Variants in ADAMTS16 observed in about 807,000 individuals in gnomAD.
The protein encoded by ADAMTS16 is A disintegrin and metalloproteinase with thrombospondin motifs 16.
ADAMTS16 carries 94 observed loss-of-function variants against 145.8 expected under a neutral mutation model. The observed-to-expected ratio is 0.64, with a 90% CI of 0.55 to 0.77. The LOEUF (loss-of-function observed/expected upper bound fraction) is 0.77, where lower values mean the gene tolerates loss of function less well. Ranked by LOEUF, ADAMTS16 falls within the 30% of genes least tolerant of loss-of-function variation. ADAMTS16 has a pLI of 0.00. For synonymous variants in ADAMTS16, 659 were observed against 604.3 expected (o/e 1.09, Z -1.33); for missense variants, 1,585 against 1,591.5 (o/e 1.00, Z 0.07).
chr5:5,294,984 A>G (rs374912064), intron 18 of ADAMTS16, among the ~76,000 whole-genome samples: 1 of 152,356 alleles, frequency 6.6e-6, no homozygotes, highest in South Asian at 2.1e-4. Context: ...TGATGAAAAA[A>G]GTAGATAGAG....
chr5:5,226,307 C>T (rs1275871121), intron 11 of ADAMTS16, among the ~76,000 whole-genome samples: 1 of 152,130 alleles, frequency 6.6e-6, no homozygotes, highest in East Asian at 1.9e-4. Flanking sequence ...AAAGGAGAAG[C>T]AAAGTCATAC....
At chr5:5,244,803 A>G (rs1737392644) in intron 17 of ADAMTS16, among the ~76,000 whole-genome samples, 1 of 152,188 alleles carries the variant, frequency 6.6e-6, no homozygotes, top group Non-Finnish European at 1.5e-5. Flanking sequence ...TGAACATAAG[A>G]TTGAAATATC....
At chr5:5,288,282 G>A (rs1044263687) in intron 18 of ADAMTS16, among the ~76,000 whole-genome samples, 2 of 152,144 alleles carry the variant, frequency 1.3e-5, no homozygotes, top group Non-Finnish European at 2.9e-5. Flanking sequence ...ACCATCTCCC[G>A]TGGGAAGGTC....
In ADAMTS16 at chr5:5,314,410, G is replaced by A. The variant is rs549336814; in HGVS notation, c.3412-3724G>A. 7.2e-5 allele frequency among the ~76,000 whole-genome samples: 11 copies of A among 152,312 alleles called. No individual in the cohort carries two copies. The South Asian group carries it at 1.2e-3, about 17-fold the overall frequency. On this transcript the variant is annotated intron_variant, in intron 21 of 22. Transcript: ENST00000274181. ...AGGCTCCAGGTGATTTTTAGGATCC[G>A]TCTGTTTGGAAGTCACCAAGGGAAT...
chr5:5,190,946 T>G (rs1579299639), intron 7 of ADAMTS16, among the ~76,000 whole-genome samples: 1 of 149,946 alleles, frequency 6.7e-6, no homozygotes, highest in Non-Finnish European at 1.5e-5. Context: ...CTTCTGAGGT[T>G]CTGGAATTTT....
At chr5:5,297,480 A>T (rs1739590831) in intron 18 of ADAMTS16, among the ~76,000 whole-genome samples, 1 of 152,194 alleles carries the variant, frequency 6.6e-6, no homozygotes, top group Admixed American at 6.5e-5. Flanking sequence ...AAACCCTCAG[A>T]TGAGGGGTTT....
At chr5:5,196,489 T>C (rs1439387047) in intron 8 of ADAMTS16, among the ~76,000 whole-genome samples, 1 of 152,166 alleles carries the variant, frequency 6.6e-6, no homozygotes, top group Non-Finnish European at 1.5e-5. Context: ...CTAACCATCA[T>C]CTGGACTGGG....
At chr5:5,184,157 G>C (rs1307034855) in intron 4 of ADAMTS16, among the ~76,000 whole-genome samples, 1 of 152,124 alleles carries the variant, frequency 6.6e-6, no homozygotes, top group Non-Finnish European at 1.5e-5. Flanking sequence ...TCAGGGCCCT[G>C]TGTCACCTGC....
chr5:5,257,997 CAA>C (rs1404356080), intron 17 of ADAMTS16, among the ~76,000 whole-genome samples: 2 of 152,186 alleles, frequency 1.3e-5, no homozygotes, highest in Non-Finnish European at 2.9e-5. Flanking sequence ...TTACAAGTGA[CAA>C]AGAGTTACAT....
chr5:5,168,624 A>ATT (rs1734953579), intron 3 of ADAMTS16, among the ~76,000 whole-genome samples: 2 of 113,842 alleles, frequency 1.8e-5, no homozygotes, highest in South Asian at 2.5e-4. Context: ...TATATATTAT[A>ATT]TTATATATAA....
intron 2 of ADAMTS16, among the ~76,000 whole-genome samples, chr5:5,141,701 C>T (rs1479842781): frequency 6.6e-6 from 1 of 152,138 alleles, no homozygotes; most frequent in Non-Finnish European, 1.5e-5. Flanking sequence ...CAGAATTTCT[C>T]AGTATAGTTA....
intron 18 of ADAMTS16, among the ~76,000 whole-genome samples, chr5:5,292,301 G>A (rs1356574286): frequency 6.6e-6 from 1 of 151,988 alleles, no homozygotes; most frequent in East Asian, 1.9e-4. Flanking sequence ...TTTGAGACCA[G>A]CCTGGCCAAC....
rs374613938 is a variant in ADAMTS16, at chr5:5,267,951, T to C, written c.2789+5168T>C. 4.3e-4 allele frequency among the ~76,000 whole-genome samples: 66 copies of C among 152,252 alleles called. No homozygotes were observed. In the South Asian group the frequency reaches 0.011, roughly 26 times the overall value. ...GTGCCTGGCTCACGTGGGACCTTAATAGGTGTTCGTAGGAGACACGGATGA... is the reference window on the plus strand; with the variant it reads ...GTGCCTGGCTCACGTGGGACCTTAACAGGTGTTCGTAGGAGACACGGATGA... On this transcript the variant is annotated intron_variant, in intron 18 of 22. Coordinates refer to ENST00000274181, the MANE Select transcript of ADAMTS16 (RefSeq NM_139056.4).
intron 17 of ADAMTS16, among the ~76,000 whole-genome samples, chr5:5,254,738 A>C (rs1406859040): frequency 6.6e-6 from 1 of 152,172 alleles, no homozygotes; most frequent in Non-Finnish European, 1.5e-5. Flanking sequence ...TCCTGCTATG[A>C]ATCATTATCT....
At chr5:5,235,813 G>A (rs1173077614) in intron 13 of ADAMTS16, among the ~76,000 whole-genome samples, 2 of 147,308 alleles carry the variant, frequency 1.4e-5, no homozygotes, top group Non-Finnish European at 3.0e-5. Context: ...CTTGAAACTG[G>A]GAACATTGCC....
intron 10 of ADAMTS16, among the ~76,000 whole-genome samples, chr5:5,210,616 A>G (rs1439440087): frequency 1.3e-5 from 2 of 152,164 alleles, no homozygotes; most frequent in Non-Finnish European, 2.9e-5. Context: ...CTGCTCTTGA[A>G]TGTTATAATT....
chr5:5,143,510 AACACTTTT>A (rs1208986342), intron 2 of ADAMTS16, among the ~76,000 whole-genome samples: 1 of 152,218 alleles, frequency 6.6e-6, no homozygotes, highest in Non-Finnish European at 1.5e-5. Flanking sequence ...GAGAAATAGG[AACACTTTT>A]ACACAGTTGG....
At chr5:5,230,590 T>A (rs904689641) in intron 11 of ADAMTS16, among the ~76,000 whole-genome samples, 7 of 152,156 alleles carry the variant, frequency 4.6e-5, no homozygotes, top group Admixed American at 2.6e-4. Context: ...GACTGCAGGT[T>A]TCAAGGGCTC....
In ADAMTS16 at chr5:5,175,672, T is replaced by A. The variant is rs954313314; in HGVS notation, c.502-6372T>A. On this transcript the variant is annotated intron_variant, in intron 3 of 22. Transcript: ENST00000274181. ...CCACAGTGGCAAGGCTTACTGGATC[T>A]CAGGTTCTGTCCACTGGGATGGTTC... Among the ~76,000 whole-genome samples the A allele has an allele frequency of 1.3e-5, 2 of 152,194 alleles. 1 individual carries two copies. Among genetic ancestry groups the A allele is most frequent in the Admixed American group, 1.3e-4 (2 of 15,284 alleles).
Sources: allele counts gnomAD v4.1 joint callset (sites outside exome capture counted in the v4.1 genomes callset), GRCh38; gene constraint gnomAD v4.1.1; transcripts MANE v1.5; gene names NCBI Gene and HGNC (gene_info 2026-07-23, HGNC 2026-07-21).